PTPRD: variants seen among roughly 807,000 people sequenced by gnomAD.
PTPRD encodes receptor-type tyrosine-protein phosphatase delta.
PTPRD carries 34 observed loss-of-function variants against 214.5 expected under a neutral mutation model. The observed-to-expected ratio is 0.16, with a 90% CI of 0.12 to 0.21. The LOEUF (loss-of-function observed/expected upper bound fraction) is 0.21. PTPRD is among the 10% of genes least tolerant of loss of function. The pLI, the probability that PTPRD is intolerant of heterozygous loss-of-function variation, is 1.00. For missense variants in PTPRD, 2,545 were observed against 2,398.7 expected, an observed-to-expected ratio of 1.06 and a Z score of -1.27; for synonymous variants, 1,128 against 845.7, an observed-to-expected ratio of 1.33 and a Z score of -5.79.
At chr9:8,387,529 C>T (rs138769090) in intron 37 of PTPRD, among the ~76,000 whole-genome samples, 129 of 152,336 alleles carry the variant, frequency 8.5e-4, no homozygotes, top group Admixed American at 2.0e-3. Context: ...CAGCAGTTAT[C>T]TCCAGGCAGA....
chr9:8,991,614 C>G (rs991644877), intron 11 of PTPRD, among the ~76,000 whole-genome samples: 12 of 152,038 alleles, frequency 7.9e-5, no homozygotes, highest in Admixed American at 6.6e-4. Context: ...AGATTTGCCA[C>G]AAAATGGATC....
chr9:10,338,749 C>T (rs1490264040), intron 3 of PTPRD, among the ~76,000 whole-genome samples: 2 of 151,522 alleles, frequency 1.3e-5, no homozygotes, highest in Admixed American at 1.3e-4. Context: ...ATGGCAAAGG[C>T]ATTGCTTTTG....
At chr9:8,513,965 GC>G (rs2097733115) in intron 21 of PTPRD, among the ~76,000 whole-genome samples, 3 of 152,028 alleles carry the variant, frequency 2.0e-5, no homozygotes, top group Admixed American at 2.0e-4. Flanking sequence ...ACATCTTCAT[GC>G]AAAAAAGTCA....
intron 5 of PTPRD, among the ~76,000 whole-genome samples, chr9:9,900,957 T>C (rs1566127575): frequency 1.3e-5 from 2 of 152,098 alleles, no homozygotes; most frequent in Admixed American, 6.6e-5. Flanking sequence ...TATTAGTCCA[T>C]TTTGCATTGT....
intron 10 of PTPRD, among the ~76,000 whole-genome samples, chr9:9,111,058 C>G (rs988918637): frequency 3.3e-5 from 5 of 151,944 alleles, no homozygotes; most frequent in Admixed American, 1.3e-4. Context: ...ATGGAGCTGA[C>G]AGTCCAACAG....
chr9:10,176,869 G>T (rs992995779), intron 3 of PTPRD, among the ~76,000 whole-genome samples: 1 of 151,960 alleles, frequency 6.6e-6, no homozygotes, highest in African/African-American at 2.4e-5. Context: ...TCAATAAAGT[G>T]AGTGGGATCA....
intron 4 of PTPRD, among the ~76,000 whole-genome samples, chr9:10,004,866 G>T (rs535349878): frequency 6.6e-6 from 1 of 152,080 alleles, no homozygotes; most frequent in South Asian, 2.1e-4. Context: ...GCAGATCAGG[G>T]TTTACTATTC....
chr9:9,794,793 G>C lies in PTPRD; in HGVS notation c.-367-27942C>G, dbSNP rs371475151. ...ACTCAAACTGAGTATCTCTCTAAAG[G>C]TCTTATCTCTTCTGCTAAACTGCCA... On this transcript the variant is annotated intron_variant, in intron 5 of 45. Coordinates refer to ENST00000381196, the MANE Select transcript of PTPRD (RefSeq NM_002839.4). Among the ~76,000 whole-genome samples the C allele has an allele frequency of 4.0e-3, 616 of 152,282 alleles. 4 individuals carry two copies. Among genetic ancestry groups the C allele is most frequent in the African/African-American group, 0.014 (594 of 41,560 alleles).
intron 10 of PTPRD, among the ~76,000 whole-genome samples, chr9:9,024,953 T>C (rs998303740): frequency 6.6e-6 from 1 of 152,052 alleles, no homozygotes; most frequent in Admixed American, 6.6e-5. Flanking sequence ...TGATTACAAA[T>C]AGATGAATAA....
chr9:8,818,743 T>C lies in PTPRD; in HGVS notation c.-103-84797A>G, dbSNP rs531629110. Among the ~76,000 whole-genome samples the C allele has an allele frequency of 1.3e-4, 20 of 152,368 alleles. 2 individuals carry two copies. The highest frequency in any genetic ancestry group is 4.6e-4 in the African/African-American group (19 of 41,598). ...TACGCACATATTTAATTGTTACTAA[T>C]TAATATTTATTGCATTTATAAAATT... On this transcript the variant is annotated intron_variant, in intron 11 of 45. Transcript: ENST00000381196.
intron 7 of PTPRD, among the ~76,000 whole-genome samples, chr9:9,626,868 T>C (rs1332525152): frequency 6.6e-6 from 1 of 152,090 alleles, no homozygotes; most frequent in Non-Finnish European, 1.5e-5. Context: ...CCTATATGAA[T>C]GTTAAGTGAA....
chr9:9,434,712 T>A (rs747497825), intron 8 of PTPRD, among the ~76,000 whole-genome samples: 29 of 151,896 alleles, frequency 1.9e-4, no homozygotes, highest in Non-Finnish European at 3.7e-4. Context: ...CAGAAATATA[T>A]GTATATACAA....
chr9:10,195,425 C>G (rs2099394096), intron 3 of PTPRD, among the ~76,000 whole-genome samples: 1 of 152,064 alleles, frequency 6.6e-6, no homozygotes. Flanking sequence ...AGCCTGTTTG[C>G]TGTTACCTGT....
At chr9:8,873,523 T>C (rs184602519) in intron 11 of PTPRD, among the ~76,000 whole-genome samples, 1 of 152,332 alleles carries the variant, frequency 6.6e-6, no homozygotes, top group East Asian at 1.9e-4. Flanking sequence ...TTTATTTTTT[T>C]TTAACCAAGT....
intron 5 of PTPRD, among the ~76,000 whole-genome samples, chr9:9,855,395 T>G (rs942407213): frequency 2.6e-5 from 4 of 152,092 alleles, no homozygotes; most frequent in African/African-American, 9.7e-5. Flanking sequence ...TAGCAGAGGC[T>G]CTCTCTACTT....
intron 11 of PTPRD, among the ~76,000 whole-genome samples, chr9:8,959,788 T>A (rs2099149660): frequency 1.3e-5 from 2 of 152,000 alleles, no homozygotes; most frequent in African/African-American, 4.8e-5. Context: ...AACTTTTGAG[T>A]GCTTTAGAAT....
chr9:9,843,158 A>G (rs1391098563), intron 5 of PTPRD, among the ~76,000 whole-genome samples: 1 of 152,058 alleles, frequency 6.6e-6, no homozygotes, highest in African/African-American at 2.4e-5. Context: ...TAGACCTTCA[A>G]ATATTTATTC....
chr9:8,329,876 A>C lies in PTPRD; in HGVS notation c.5534+1706T>G, dbSNP rs112695912. On this transcript the variant is annotated intron_variant, in intron 44 of 45. Transcript: ENST00000381196. ...GATGCCTCTCCCCTCACGAAGCTCG[A>C]ATGGCCCAGGTGGACCTCAGACAGC... Among the ~76,000 whole-genome samples, 701 of 150,816 alleles carry C rather than the reference A, an allele frequency of 4.6e-3. 6 individuals carry two copies. The highest frequency in any genetic ancestry group is 0.016 in the African/African-American group (667 of 41,022).
chr9:9,563,364 G>C (rs886957599), intron 8 of PTPRD, among the ~76,000 whole-genome samples: 34 of 152,250 alleles, frequency 2.2e-4, no homozygotes, highest in African/African-American at 8.2e-4. Context: ...GATAACTCCA[G>C]TATCTTTTTA....
Sources: gnomAD v4.1 joint callset for allele counts (sites outside exome capture counted in the v4.1 genomes callset) on GRCh38, gnomAD v4.1.1 for gene constraint, MANE v1.5 for transcripts, NCBI Gene and HGNC (gene_info 2026-07-23, HGNC 2026-07-21) for gene names.